Variants in DOCK5 observed in about 807,000 individuals in gnomAD.
DOCK5 encodes the protein dedicator of cytokinesis 5, also known as dedicator of cytokinesis protein 5.
Under a neutral mutation model 251.8 loss-of-function variants are expected in DOCK5, and 142 were observed. That is an observed-to-expected ratio of 0.56 (90% CI 0.49 to 0.65). The LOEUF is 0.65. Among genes scored for constraint, DOCK5 ranks in the 30% least tolerant of loss-of-function variants. The probability of loss-of-function intolerance (pLI) is 0.00; values close to 1 mark genes in which losing one functional copy is unlikely to be tolerated. For synonymous variants in DOCK5, 842 were observed against 835.5 expected (o/e 1.01, Z -0.13); for missense variants, 2,111 against 2,312.3 (o/e 0.91, Z 1.79).
rs1056824014 is a variant in DOCK5, at chr8:25,397,416, A to G, written c.4704+1697A>G. On this transcript the variant is annotated intron_variant, in intron 45 of 51. Transcript: ENST00000276440. Reference sequence around the variant, plus strand: ...TGGAATGTTCTTCATGGGTGGTGACATCTATGCTCTGTGGCTGCCACTATG... The same window carrying G: ...TGGAATGTTCTTCATGGGTGGTGACGTCTATGCTCTGTGGCTGCCACTATG... 7.2e-5 allele frequency among the ~76,000 whole-genome samples: 11 copies of G among 152,296 alleles called. No homozygotes were observed. In the South Asian group the frequency reaches 1.2e-3, roughly 17 times the overall value.
intron 5 of DOCK5, among the ~76,000 whole-genome samples, chr8:25,285,998 C>CA (rs915405593): frequency 1.3e-4 from 20 of 151,868 alleles, no homozygotes; most frequent in African/African-American, 4.6e-4. Flanking sequence ...CTTCAGGAGG[C>CA]AAAAAATGGC....
At chr8:25,215,739 AG>A (rs1203578530) in intron 1 of DOCK5, among the ~76,000 whole-genome samples, 9 of 152,104 alleles carry the variant, frequency 5.9e-5, no homozygotes, top group African/African-American at 2.2e-4. Flanking sequence ...GCTTTATTAA[AG>A]CAGTACTGTT....
At chr8:25,317,849 G>A (rs1274986888) in intron 14 of DOCK5, among the ~76,000 whole-genome samples, 2 of 152,114 alleles carry the variant, frequency 1.3e-5, no homozygotes. Flanking sequence ...CTGACCTTGT[G>A]ATCCACCTAC....
At chr8:25,312,112 A>C (rs547934977) in intron 13 of DOCK5, among the ~76,000 whole-genome samples, 1 of 152,136 alleles carries the variant, frequency 6.6e-6, no homozygotes, top group Non-Finnish European at 1.5e-5. Flanking sequence ...TTTTCTCATA[A>C]AAGAAGATAG....
chr8:25,218,648 G>A (rs140616223), intron 1 of DOCK5, among the ~76,000 whole-genome samples: 54 of 152,310 alleles, frequency 3.5e-4, no homozygotes, highest in African/African-American at 1.3e-3. Context: ...GCAGGAGAAG[G>A]TGATAGCATT....
At chr8:25,210,012 A>ATATATATATG (rs1352730963) in intron 1 of DOCK5, among the ~76,000 whole-genome samples, 1 of 24,828 alleles carries the variant, frequency 4.0e-5, no homozygotes, top group African/African-American at 9.9e-5. Context: ...GGCTAATTAT[A>ATATATATATG]TATATATATA....
intron 14 of DOCK5, among the ~76,000 whole-genome samples, chr8:25,317,756 G>A (rs1370015693): frequency 6.6e-6 from 1 of 152,074 alleles, no homozygotes; most frequent in African/African-American, 2.4e-5. Flanking sequence ...GACTACAAGC[G>A]CCCACCACCA....
intron 18 of DOCK5, among the ~76,000 whole-genome samples, chr8:25,330,202 T>C (rs961921762): frequency 3.9e-5 from 6 of 152,230 alleles, no homozygotes; most frequent in Admixed American, 1.3e-4. Flanking sequence ...AGATGGTGCC[T>C]AGTGGATGAA....
chr8:25,356,539 C>T (rs768322696), intron 27 of DOCK5, among the ~76,000 whole-genome samples: 9 of 151,900 alleles, frequency 5.9e-5, no homozygotes, highest in Admixed American at 4.6e-4. Context: ...TGGTGACATG[C>T]GCCTGTAATC....
rs1244266101 is a variant in DOCK5 at position 25,184,801 on chromosome 8, A to T, written c.-108A>T. 9.3e-7 allele frequency: 1 copy of T among 1,072,262 alleles called. No homozygotes were observed. Among genetic ancestry groups the T allele is most frequent in the African/African-American group, 1.7e-5 (1 of 60,510 alleles). The allele number at this position is 1,072,262 out of a possible 1,614,324, so 66.4% of individuals were successfully genotyped here. On this transcript the variant is annotated 5_prime_UTR_variant, in exon 1 of 52. Coordinates refer to ENST00000276440, the MANE Select transcript of DOCK5 (RefSeq NM_024940.8). Reference sequence around the variant, plus strand: ...CGCGGAGTCCAGCGAAGTTTGGCGGAACATGGCGGAAGCGTCTGGGGCACG... The same window carrying T: ...CGCGGAGTCCAGCGAAGTTTGGCGGTACATGGCGGAAGCGTCTGGGGCACG...
chr8:25,262,085 A>G (rs1319314663), intron 2 of DOCK5, among the ~76,000 whole-genome samples: 1 of 152,190 alleles, frequency 6.6e-6, no homozygotes, highest in Non-Finnish European at 1.5e-5. Flanking sequence ...TAAAGCATTC[A>G]CAAACATTCT....
chr8:25,305,551 T>C (rs1804895605), intron 11 of DOCK5, among the ~76,000 whole-genome samples: 1 of 152,046 alleles, frequency 6.6e-6, no homozygotes, highest in Admixed American at 6.6e-5. Flanking sequence ...ACTTAATACA[T>C]AGAAAAAAAT....
chr8:25,199,602 T>C (rs1037064140), intron 1 of DOCK5, among the ~76,000 whole-genome samples: 6 of 152,152 alleles, frequency 3.9e-5, no homozygotes, highest in Non-Finnish European at 8.8e-5. Flanking sequence ...AAGCTGGTCT[T>C]GAACTCCTGA....
At chr8:25,295,181 A>G (rs1170461181) in intron 6 of DOCK5, among the ~76,000 whole-genome samples, 1 of 152,104 alleles carries the variant, frequency 6.6e-6, no homozygotes, top group Non-Finnish European at 1.5e-5. Context: ...GCTTATGCCT[A>G]TAATCCCAGC....
At chr8:25,389,376 T>A in intron 41 of DOCK5, 144 bp downstream of exon 41, 2 of 1,146,492 alleles carry the variant, frequency 1.7e-6, no homozygotes, top group Non-Finnish European at 2.4e-6. Context: ...CCATTCCATG[T>A]AAAATCTTTG....
chr8:25,243,181 A>T (rs1231749602), intron 1 of DOCK5, among the ~76,000 whole-genome samples: 5 of 152,112 alleles, frequency 3.3e-5, no homozygotes, highest in Non-Finnish European at 5.9e-5. Context: ...CTAGTCTCTA[A>T]CACAGTTCGT....
chr8:25,403,826 C>A, intron 48 of DOCK5, 102 bp downstream of exon 48: 1 of 1,229,438 alleles, frequency 8.1e-7, no homozygotes, highest in South Asian at 1.5e-5. Context: ...GCCTTTGGGT[C>A]ATTCTCATTG....
At chr8:25,220,811 C>T (rs2117498211) in intron 1 of DOCK5, among the ~76,000 whole-genome samples, 1 of 152,252 alleles carries the variant, frequency 6.6e-6, no homozygotes, top group Admixed American at 6.5e-5. Flanking sequence ...ACCATGTTGG[C>T]CAGGCTGGTC....
intron 28 of DOCK5, among the ~76,000 whole-genome samples, chr8:25,362,452 C>G (rs370782358): frequency 9.3e-6 from 1 of 107,082 alleles, no homozygotes; most frequent in Non-Finnish European, 1.9e-5. Context: ...CTTTTCTTTT[C>G]TTTTCTTTTC....
Sources: allele counts gnomAD v4.1 joint callset (sites outside exome capture counted in the v4.1 genomes callset), GRCh38; gene constraint gnomAD v4.1.1; transcripts MANE v1.5; gene names NCBI Gene and HGNC (gene_info 2026-07-23, HGNC 2026-07-21).